Variants in CC2D1A observed in about 807,000 individuals in gnomAD.
The protein encoded by CC2D1A is coiled-coil and C2 domain containing 1A, also known as coiled-coil and C2 domain-containing protein 1A.
Under a neutral mutation model 123.8 loss-of-function variants are expected in CC2D1A, and 68 were observed. That is an observed-to-expected ratio of 0.55 (90% CI 0.45 to 0.67). CC2D1A has a LOEUF of 0.67. Ranked by LOEUF, CC2D1A falls within the 30% of genes least tolerant of loss-of-function variation. The pLI is 0.00. For missense variants in CC2D1A, 1,185 were observed against 1,290.3 expected, an observed-to-expected ratio of 0.92 and a Z score of 1.25; for synonymous variants, 477 against 528.0, an observed-to-expected ratio of 0.90 and a Z score of 1.32.
In CC2D1A at chr19:13,912,393, G is replaced by A. The variant is rs371148103; in HGVS notation, c.267G>A (p.Glu89=). 77 of 1,613,592 alleles carry A rather than the reference G, an allele frequency of 4.8e-5. No individual in the cohort carries two copies. The highest frequency in any genetic ancestry group is 6.0e-5 in the Non-Finnish European group (71 of 1,179,844). Residue 89 remains glutamate (E), a synonymous_variant, in exon 3 of 29, where the codon GAG becomes GAA. Transcript: ENST00000318003. The part of the protein sequence containing the change: ...LCMRDPDEDE[E]EGTDEDDLEA... The stretch of plus-strand genomic sequence containing the variant: ...TGAGAGACCCGGATGAGGATGAGGA[G>A]GAGGGGACGGATGAGGACGACTTGG...
rs373022042 is a variant in CC2D1A, at chr19:13,913,287, C to T, written c.498C>T (p.Tyr166=). Residue 166 remains tyrosine, a synonymous_variant, in exon 5 of 29, where the codon TAC becomes TAT. Transcript: ENST00000318003. ...GAGACAGCGCCAAGATGCGGCGCTA[C>T]GATCGGGGGCTTAAAGTAAGTGGGC... The part of the protein sequence containing the change: ...QAGDSAKMRR[Y]DRGLKTLENL... 4.4e-5 allele frequency: 71 copies of T among 1,612,614 alleles called. No individual in the cohort carries two copies. The highest frequency in any genetic ancestry group is 6.7e-5 in the East Asian group (3 of 44,882).
At chr19:13,924,309 T>C (rs955463073) in intron 17 of CC2D1A, among the ~76,000 whole-genome samples, 1 of 152,122 alleles carries the variant, frequency 6.6e-6, no homozygotes, top group African/African-American at 2.4e-5. Flanking sequence ...AAGCTGGGAC[T>C]ACAGCCGCCC....
chr19:13,910,407 CAAAAAAAAAAAAA>C (rs766322114), intron 2 of CC2D1A, among the ~76,000 whole-genome samples: 1 of 40,886 alleles, frequency 2.4e-5, no homozygotes, highest in African/African-American at 7.9e-5. Context: ...GACTCCGTCT[CAAAAAAAAAAAAA>C]AAAAAAAAAA....
At chr19:13,925,866 G>C (rs1336177640) in intron 17 of CC2D1A, among the ~76,000 whole-genome samples, 1 of 143,786 alleles carries the variant, frequency 7.0e-6, no homozygotes, top group Non-Finnish European at 1.5e-5. Flanking sequence ...GTTGCAGTGG[G>C]CTGAGGTCGT....
intron 17 of CC2D1A, among the ~76,000 whole-genome samples, chr19:13,926,047 CGTATATATATGT>C (rs1568419050): frequency 3.3e-5 from 2 of 61,080 alleles, no homozygotes; most frequent in African/African-American, 1.6e-4. Context: ...TATATATACA[CGTATATATATGT>C]ATATATACAC....
At position 13,912,544 on chromosome 19, in the gene CC2D1A, T is replaced by A; in HGVS notation, c.329T>A (p.Val110Asp). ...DDDLLAELNEVLGEEQKASET... is the reference protein window; with the variant it reads ...DDDLLAELNEDLGEEQKASET... ...TCCCTGCAGGCGGAGCTAAATGAGG[T>A]CCTTGGAGAGGAGCAGAAGGCTTCA... is the stretch of plus-strand genomic sequence containing the variant. The change falls in exon 4 of 29, where the codon GTC becomes GAC. Residue 110 changes from valine to aspartate, a missense_variant. Coordinates refer to ENST00000318003, the MANE Select transcript of CC2D1A (RefSeq NM_017721.5). 6.2e-7 allele frequency: 1 copy of A among 1,613,990 alleles called. No individual in the cohort carries two copies. Among genetic ancestry groups the A allele is most frequent in the African/African-American group, 1.3e-5 (1 of 75,010 alleles).
At position 13,913,321 on chromosome 19, in the gene CC2D1A, G is replaced by T. The variant is rs199985096; in HGVS notation, c.513+19G>T. On this transcript the variant is annotated intron_variant, in intron 5 of 28. Transcript: ENST00000318003. ...GCTTAAAGTAAGTGGGCAGAGGGCA[G>T]GGTACAGGGACCCCCCGCCAACCCC... 1 of 1,609,332 alleles carries T rather than the reference G, an allele frequency of 6.2e-7. No individual in the cohort carries two copies. Among genetic ancestry groups the T allele is most frequent in the South Asian group, 1.1e-5 (1 of 90,408 alleles).
At chr19:13,918,230 G>A in intron 7 of CC2D1A, 36 bp downstream of exon 7, 1 of 1,502,962 alleles carries the variant, frequency 6.7e-7, no homozygotes, top group Non-Finnish European at 8.9e-7. Context: ...TGGAGGGATG[G>A]GGCAGGATGC....
In CC2D1A at chr19:13,923,218, G is replaced by A. The variant is rs907731208; in HGVS notation, c.1642-115G>A. 6 of 1,291,198 alleles carry A rather than the reference G, an allele frequency of 4.6e-6. No homozygotes were observed. Among genetic ancestry groups the A allele is most frequent in the African/African-American group, 1.5e-5 (1 of 66,918 alleles). 80.0% of individuals were successfully genotyped at this position (1,291,198 alleles called of 1,614,324 possible). On this transcript the variant is annotated intron_variant, in intron 14 of 28. Transcript: ENST00000318003. This position sits in a 1 kb window ranked among gnomAD's most constrained non-coding sequence, Gnocchi z 5.3. ...AAAAAAAAAAAAAGACCAGAGAAGG[G>A]TGACAGAGCCGTGGTCAGGGAATGC...
Position 13,929,371 on chromosome 19 carries a change from C to T in CC2D1A, c.2520-8C>T, listed in dbSNP as rs1483671224. 9 of 1,613,366 alleles carry T rather than the reference C, an allele frequency of 5.6e-6. No individual in the cohort carries two copies. Among genetic ancestry groups the T allele is most frequent in the South Asian group, 2.2e-5 (2 of 91,082 alleles). On this transcript the variant is annotated splice_region_variant and splice_polypyrimidine_tract_variant and intron_variant, in intron 24 of 28. Coordinates refer to ENST00000318003, the MANE Select transcript of CC2D1A (RefSeq NM_017721.5). ...TCTGCAGTCCCTTATCCTTCCTCCA[C>T]CCCTTAGATCAGCCCGGCCCCTGCA...
chr19:13,907,855 T>C (rs1433775901), intron 1 of CC2D1A, among the ~76,000 whole-genome samples: 1 of 152,158 alleles, frequency 6.6e-6, no homozygotes, highest in African/African-American at 2.4e-5. Flanking sequence ...GGTGGAACCA[T>C]ACATAATTGC....
chr19:13,920,148 G>T, intron 12 of CC2D1A, 197 bp downstream of exon 12: 1 of 547,218 alleles, frequency 1.8e-6, no homozygotes, highest in South Asian at 2.5e-5. Context: ...CTACTTGGGA[G>T]ACTGAGGTGG....
chr19:13,911,908 G>A (rs1354479828), intron 2 of CC2D1A, among the ~76,000 whole-genome samples: 1 of 151,954 alleles, frequency 6.6e-6, no homozygotes, highest in Non-Finnish European at 1.5e-5. Flanking sequence ...GTAGAGACGG[G>A]GTTTCACCGT....
chr19:13,907,715 A>C (rs569502423), intron 1 of CC2D1A, among the ~76,000 whole-genome samples: 1 of 152,108 alleles, frequency 6.6e-6, no homozygotes, highest in Non-Finnish European at 1.5e-5. Flanking sequence ...TAAATAAATA[A>C]AAAATTAAAA....
chr19:13,928,187 A>G lies in CC2D1A; in HGVS notation c.2518A>G (p.Arg840Gly). ...TGCCCCTGCAAGGGAGTCAGGGAAC[A>G]GGTAGGTATCTGGGCCAGGGCATGC... ...VPAPARESGN[R>G]SARPLHSLSV... The change falls in exon 24 of 29, where the codon AGA (arginine) becomes GGA (glycine). Residue 840 changes from arginine (R) to glycine (G), a missense_variant and splice_region_variant. By Grantham distance (125) the Arg-to-Gly change is moderately radical (BLOSUM62 -2). Transcript: ENST00000318003. 1 of 1,613,220 alleles carries G rather than the reference A, an allele frequency of 6.2e-7. No homozygotes were observed. The highest frequency in any genetic ancestry group is 8.5e-7 in the Non-Finnish European group (1 of 1,179,742).
chr19:13,916,646 C>A (rs911513329), intron 6 of CC2D1A, among the ~76,000 whole-genome samples: 1 of 152,158 alleles, frequency 6.6e-6, no homozygotes, highest in Admixed American at 6.5e-5. Flanking sequence ...ATAATTCAAC[C>A]CGGAAAAACA....
At position 13,918,530 on chromosome 19, in the gene CC2D1A, G is replaced by C; in HGVS notation, c.900G>C (p.Leu300=). 2.5e-6 allele frequency: 4 copies of C among 1,613,864 alleles called. No homozygotes were observed. The highest frequency in any genetic ancestry group is 3.4e-6 in the Non-Finnish European group (4 of 1,179,978). The change falls in exon 8 of 29, where the codon CTG becomes CTC. Residue 300 remains leucine, a synonymous_variant. Transcript: ENST00000318003. ...GCTTTGATGCTGTCTTGGAGGCCCT[G>C]AGCCGGGGTGAGCCCGTGGACCTCT... ...AKSFDAVLEA[L]SRGEPVDLSC...
chr19:13,926,925 A>G, intron 20 of CC2D1A, 53 bp downstream of exon 20: 2 of 1,611,142 alleles, frequency 1.2e-6, no homozygotes, highest in Admixed American at 1.7e-5. Flanking sequence ...CAGAAGGGAC[A>G]TAAGACAATG....
chr19:13,917,941 A>G (rs1314942888), intron 6 of CC2D1A, 129 bp from the exon 7 acceptor site: 2 of 987,766 alleles, frequency 2.0e-6, no homozygotes, highest in Admixed American at 6.4e-5. Context: ...ACTGTACCCC[A>G]GCATGGGCAA....
Sources: gnomAD v4.1 joint callset for allele counts (sites outside exome capture counted in the v4.1 genomes callset) on GRCh38, gnomAD v4.1.1 for gene constraint, Gnocchi (gnomAD v3.1) non-coding constraint, MANE v1.5 for transcripts, NCBI Gene and HGNC (gene_info 2026-07-23, HGNC 2026-07-21) for gene names.